Variants in LRIF1 observed in about 807,000 individuals in gnomAD.
LRIF1 encodes the protein ligand dependent nuclear receptor interacting factor 1.
A neutral mutation model predicts 52.7 loss-of-function variants in LRIF1; 32 were observed. That is an observed-to-expected ratio of 0.61 (90% CI 0.46 to 0.82). LRIF1 has a LOEUF of 0.82. Ranked by LOEUF, LRIF1 falls within the 40% of genes least tolerant of loss-of-function variation. The pLI is 0.00. For missense variants in LRIF1, 887 were observed against 892.0 expected (o/e 0.99, Z 0.07); for synonymous variants, 323 against 317.4 (o/e 1.02, Z -0.19).
the LRIF1 span, chr1:110,938,298 A>G: frequency 6.6e-6 from 1 of 152,202 alleles, no homozygotes; most frequent in African/African-American, 2.4e-5. Flanking sequence ...ATATTGATGC[A>G]AAAATACTCA....
the LRIF1 span, among the ~76,000 whole-genome samples, chr1:110,929,526 C>CT: frequency 3.7e-3 from 569 of 152,216 alleles, 2 homozygotes; most frequent in Middle Eastern, 6.8e-3. Context: ...TGATATTGAG[C>CT]TTTTTTTCAT....
the LRIF1 span, among the ~76,000 whole-genome samples, chr1:110,925,953 A>G: frequency 3.3e-5 from 5 of 152,168 alleles, no homozygotes; most frequent in Non-Finnish European, 7.4e-5. Context: ...AATAAATCTA[A>G]TAACAAATGT....
chr1:110,917,570 G>T, the LRIF1 span, among the ~76,000 whole-genome samples: 1 of 151,578 alleles, frequency 6.6e-6, no homozygotes, highest in Non-Finnish European at 1.5e-5. Flanking sequence ...CCAGGAATTT[G>T]GGTGCTTGAC....
chr1:110,956,349 G>A (rs1658700707), intron 1 of LRIF1, among the ~76,000 whole-genome samples: 1 of 152,138 alleles, frequency 6.6e-6, no homozygotes, highest in African/African-American at 2.4e-5. Context: ...GTGGCATCAG[G>A]AAGGTGCAAC....
intron 1 of LRIF1, among the ~76,000 whole-genome samples, chr1:110,960,438 G>T (rs984420164): frequency 4.6e-5 from 7 of 152,134 alleles, no homozygotes; most frequent in Admixed American, 2.6e-4. Context: ...CAAACCCCCT[G>T]CTGAGAACAC....
chr1:110,963,434 A>ACATTTCC (rs1288186396), intron 1 of LRIF1, 187 bp downstream of exon 1: 3 of 452,772 alleles, frequency 6.6e-6, no homozygotes, highest in African/African-American at 2.0e-5. Flanking sequence ...AAGAGGTTTT[A>ACATTTCC]CATTTCCCAG....
the LRIF1 span, chr1:110,896,507 G>A: frequency 4.4e-6 from 3 of 686,676 alleles, no homozygotes; most frequent in East Asian, 2.6e-5. Context: ...AAAGCACTTT[G>A]TTTTAAGGAG....
At chr1:110,880,900 C>G in the LRIF1 span, among the ~76,000 whole-genome samples, 1 of 152,086 alleles carries the variant, frequency 6.6e-6, no homozygotes, top group Non-Finnish European at 1.5e-5. Flanking sequence ...ACAGAGAGGA[C>G]TTCCTGGAAA....
Position 110,952,588 on chromosome 1 carries a change from T to C in LRIF1, c.296A>G (p.Gln99Arg), listed in dbSNP as rs1420684071. The C allele has an allele frequency of 1.2e-6, 2 of 1,613,894 alleles. No individual in the cohort carries two copies. Among genetic ancestry groups the C allele is most frequent in the Non-Finnish European group, 1.7e-6 (2 of 1,179,768 alleles). ...AAAATAGTTTGAAGAACTGGCTGGCTGAAAAATGGGCAATTGAACTGATGC... is the reference window on the plus strand; with the variant it reads ...AAAATAGTTTGAAGAACTGGCTGGCCGAAAAATGGGCAATTGAACTGATGC... ...TSASVQLPIF[Q>R]PASSSNYFLT... The change falls in exon 2 of 4, where the codon CAG (glutamine) becomes CGG (arginine). Residue 99 changes from glutamine to arginine, a missense_variant. Coordinates refer to ENST00000369763, the MANE Select transcript of LRIF1 (RefSeq NM_018372.4).
At chr1:110,884,307 G>A in the LRIF1 span, among the ~76,000 whole-genome samples, 1 of 151,986 alleles carries the variant, frequency 6.6e-6, no homozygotes, top group African/African-American at 2.4e-5. Flanking sequence ...CCAATTTGAG[G>A]AAACTTTCTA....
chr1:110,876,482 C>T, the LRIF1 span, among the ~76,000 whole-genome samples: 1 of 152,096 alleles, frequency 6.6e-6, no homozygotes, highest in Non-Finnish European at 1.5e-5. Flanking sequence ...ATTTTCCAAA[C>T]CTTTTTGTTT....
chr1:110,894,638 A>G, the LRIF1 span, among the ~76,000 whole-genome samples: 1 of 152,144 alleles, frequency 6.6e-6, no homozygotes, highest in Non-Finnish European at 1.5e-5. Context: ...CTCTTCCTCT[A>G]CTTGCTTTCC....
chr1:110,911,382 G>T, the LRIF1 span, among the ~76,000 whole-genome samples: 3 of 152,026 alleles, frequency 2.0e-5, no homozygotes, highest in African/African-American at 7.2e-5. Flanking sequence ...ACCAGAAAAA[G>T]CCCTGGACCA....
intron 2 of LRIF1, among the ~76,000 whole-genome samples, chr1:110,951,055 G>A (rs1241092970): frequency 6.6e-6 from 1 of 152,030 alleles, no homozygotes; most frequent in Non-Finnish European, 1.5e-5. Context: ...GATTTGGCAT[G>A]CCAAGTGATT....
chr1:110,939,377 C>CAAAAAAAA, the LRIF1 span: 22 of 60,646 alleles, frequency 3.6e-4, no homozygotes, highest in East Asian at 5.2e-4. Flanking sequence ...GACTCCGTCT[C>CAAAAAAAA]AAAAAAAAAA....
At chr1:110,884,776 T>C in the LRIF1 span, among the ~76,000 whole-genome samples, 3 of 152,106 alleles carry the variant, frequency 2.0e-5, no homozygotes, top group African/African-American at 7.2e-5. Flanking sequence ...TTTTCCCTTT[T>C]ATTAGTGTTA....
intron 1 of LRIF1, among the ~76,000 whole-genome samples, chr1:110,955,371 C>G (rs967379471): frequency 6.6e-6 from 1 of 152,180 alleles, no homozygotes; most frequent in Non-Finnish European, 1.5e-5. Flanking sequence ...ACTACAATAG[C>G]TTCATGACTG....
At chr1:110,915,737 A>G in the LRIF1 span, among the ~76,000 whole-genome samples, 1 of 152,208 alleles carries the variant, frequency 6.6e-6, no homozygotes, top group African/African-American at 2.4e-5. Context: ...ACACAAGGCC[A>G]GTGTTTCTTT....
intron 1 of LRIF1, among the ~76,000 whole-genome samples, chr1:110,958,363 A>C (rs2101120314): frequency 6.6e-6 from 1 of 152,310 alleles, no homozygotes; most frequent in Non-Finnish European, 1.5e-5. Flanking sequence ...AATTTCTTCC[A>C]ACTTGGAATC....
Sources: gnomAD v4.1 joint callset for allele counts (sites outside exome capture counted in the v4.1 genomes callset) on GRCh38, gnomAD v4.1.1 for gene constraint, MANE v1.5 for transcripts, NCBI Gene and HGNC (gene_info 2026-07-23, HGNC 2026-07-21) for gene names.